Variants in ASCC2 observed in about 807,000 individuals in gnomAD.
ASCC2 encodes the protein ASC-1 complex subunit P100.
Under a neutral mutation model 93.5 loss-of-function variants are expected in ASCC2, and 42 were observed. That is an observed-to-expected ratio of 0.45 (90% CI 0.35 to 0.58). The LOEUF is 0.58. Ranked by LOEUF, ASCC2 falls within the 20% of genes least tolerant of loss-of-function variation. ASCC2 has a pLI of 0.00. For synonymous variants in ASCC2, 364 were observed against 384.2 expected, an observed-to-expected ratio of 0.95 and a Z score of 0.62; for missense variants, 859 against 977.6, an observed-to-expected ratio of 0.88 and a Z score of 1.62.
chr22:29,796,701 T>A (rs1011840185), intron 15 of ASCC2, among the ~76,000 whole-genome samples: 1 of 151,522 alleles, frequency 6.6e-6, no homozygotes, highest in African/African-American at 2.4e-5. Context: ...GAAAAAGAGG[T>A]AGAGAGGAAG....
chr22:29,821,181 A>G (rs996847897), intron 5 of ASCC2, among the ~76,000 whole-genome samples: 4 of 152,150 alleles, frequency 2.6e-5, no homozygotes, highest in Non-Finnish European at 5.9e-5. Context: ...GTGTGTGCGT[A>G]TAAAGAGGAA....
At chr22:29,807,790 T>C (rs1306072111) in intron 9 of ASCC2, among the ~76,000 whole-genome samples, 1 of 152,000 alleles carries the variant, frequency 6.6e-6, no homozygotes, top group Non-Finnish European at 1.5e-5. Context: ...ACGCCTATAA[T>C]CCCAGCTACT....
intron 5 of ASCC2, among the ~76,000 whole-genome samples, chr22:29,818,402 C>G: frequency 1.6e-5 from 1 of 63,248 alleles, no homozygotes; most frequent in African/African-American, 5.7e-5. Flanking sequence ...CACTCCCTGC[C>G]TACACACACA....
intron 5 of ASCC2, 100 bp downstream of exon 5, chr22:29,822,235 C>A: frequency 6.6e-7 from 1 of 1,513,452 alleles, no homozygotes; most frequent in Non-Finnish European, 9.0e-7. Flanking sequence ...CCCTATCGCC[C>A]TGAGTCCCTG....
chr22:29,808,058 T>C, intron 9 of ASCC2, 53 bp downstream of exon 9: 11 of 1,585,718 alleles, frequency 6.9e-6, no homozygotes, highest in Non-Finnish European at 9.5e-6. Context: ...GGCAGGGCCC[T>C]GCTCGGGCCT....
intron 14 of ASCC2, among the ~76,000 whole-genome samples, chr22:29,801,313 A>C (rs537675281): frequency 2.6e-5 from 4 of 152,348 alleles, no homozygotes; most frequent in South Asian, 4.1e-4. Flanking sequence ...CCACACCTCA[A>C]ACAAAGCTCC....
chr22:29,821,568 G>A (rs1053230546), intron 5 of ASCC2, among the ~76,000 whole-genome samples: 5 of 152,250 alleles, frequency 3.3e-5, no homozygotes, highest in Middle Eastern at 3.2e-3. Flanking sequence ...CATATGTGGA[G>A]TGCTTGGCAG....
At chr22:29,820,768 C>A (rs977735672) in intron 5 of ASCC2, among the ~76,000 whole-genome samples, 1 of 151,774 alleles carries the variant, frequency 6.6e-6, no homozygotes. Flanking sequence ...AACCCCATCT[C>A]TACTAAAAAT....
Position 29,792,419 on chromosome 22 carries a change from T to G in ASCC2, c.2022+14A>C, listed in dbSNP as rs1212950701. On this transcript the variant is annotated intron_variant, in intron 18 of 19. Transcript: ENST00000307790. ...TGCACTCTCCCCTTCATCTGCTACC[T>G]GCCAGGGAGGTACCTTGGGAGCCTC... is the stretch of plus-strand genomic sequence containing the variant. 1 of 1,613,524 alleles carries G rather than the reference T, an allele frequency of 6.2e-7. No homozygotes were observed. Among genetic ancestry groups the G allele is most frequent in the South Asian group, 1.1e-5 (1 of 91,086 alleles).
chr22:29,818,035 T>TA (rs985002952), intron 5 of ASCC2, among the ~76,000 whole-genome samples: 21 of 135,334 alleles, frequency 1.6e-4, no homozygotes, highest in Non-Finnish European at 2.1e-4. Context: ...CCTTGAAAGT[T>TA]AAAAAAAAAA....
chr22:29,799,787 T>G (rs1569371604), intron 15 of ASCC2, among the ~76,000 whole-genome samples: 1 of 152,116 alleles, frequency 6.6e-6, no homozygotes, highest in Non-Finnish European at 1.5e-5. Context: ...CTGGGTGAAC[T>G]CTCTTATTTT....
At chr22:29,830,621 C>T (rs1166555154) in intron 2 of ASCC2, among the ~76,000 whole-genome samples, 1 of 152,208 alleles carries the variant, frequency 6.6e-6, no homozygotes, top group Non-Finnish European at 1.5e-5. Context: ...GATCGGCGGC[C>T]CCGGCTCTGC....
intron 5 of ASCC2, among the ~76,000 whole-genome samples, chr22:29,818,120 C>T (rs2061083451): frequency 6.8e-6 from 1 of 147,226 alleles, no homozygotes. Context: ...AAAAAAAAAG[C>T]AAGGTAAGGA....
At chr22:29,837,462 C>T (rs1418907476) in intron 1 of ASCC2, among the ~76,000 whole-genome samples, 1 of 152,026 alleles carries the variant, frequency 6.6e-6, no homozygotes, top group African/African-American at 2.4e-5. Flanking sequence ...ACTGGACAAT[C>T]TGAACTTTGA....
chr22:29,806,491 T>A lies in ASCC2; in HGVS notation c.1079A>T (p.Glu360Val), dbSNP rs1181589825. Residue 360 changes from glutamate (E) to valine (V), a missense_variant, in exon 11 of 20, where the codon GAG (glutamate) becomes GTG (valine). Coordinates refer to ENST00000307790, the MANE Select transcript of ASCC2 (RefSeq NM_032204.5). ...FLQIFSSLLQ[E>V]KRFLRDYDAL... ...CCAGCTCAGCCACACTCACCTCTTCTCCTGCAGCAAGGAGCTGAAGATCTG... is the reference window on the plus strand; with the variant it reads ...CCAGCTCAGCCACACTCACCTCTTCACCTGCAGCAAGGAGCTGAAGATCTG... 1 of 1,613,898 alleles carries A rather than the reference T, an allele frequency of 6.2e-7. No homozygotes were observed. The highest frequency in any genetic ancestry group is 1.7e-5 in the Admixed American group (1 of 59,978).
chr22:29,799,273 C>T (rs575540150), intron 15 of ASCC2: 8 of 152,408 alleles, frequency 5.2e-5, no homozygotes, highest in Non-Finnish European at 7.3e-5. Flanking sequence ...CCTTGCCCAC[C>T]GCTGGAGCTA....
At chr22:29,828,768 CAG>C (rs904345932) in intron 2 of ASCC2, among the ~76,000 whole-genome samples, 9 of 152,134 alleles carry the variant, frequency 5.9e-5, no homozygotes, top group Admixed American at 5.2e-4. Flanking sequence ...GCATGGATTG[CAG>C]AGAGGCACAA....
rs191522974 is a variant in ASCC2 at position 29,795,164 on chromosome 22, T to C, written c.1689-1488A>G. Among the ~76,000 whole-genome samples, 436 of 152,106 alleles carry C rather than the reference T, an allele frequency of 2.9e-3. 3 individuals carry two copies. The highest frequency in any genetic ancestry group is 0.01 in the Middle Eastern group (3 of 294). On this transcript the variant is annotated intron_variant, in intron 15 of 19. Coordinates refer to ENST00000307790, the MANE Select transcript of ASCC2 (RefSeq NM_032204.5). The stretch of plus-strand genomic sequence containing the variant: ...CTGGTCTGGAACTCCTGGTCTCAAG[T>C]GATCTGCTTGCCTCAACCTCCCAAA...
rs767831875 is a variant in ASCC2 at position 29,789,002 on chromosome 22, T to C, written c.*11A>G. On this transcript the variant is annotated 3_prime_UTR_variant, in exon 20 of 20. Transcript: ENST00000307790. ...GGTGCCGCTGCCTCCCCACTGGCCC[T>C]GCACCAGGTCTCAGGATGGGATCAT... 4 of 1,614,124 alleles carry C rather than the reference T, an allele frequency of 2.5e-6. No homozygotes were observed. The highest frequency in any genetic ancestry group is 2.2e-5 in the East Asian group (1 of 44,880).
Sources: gnomAD v4.1 joint callset for allele counts (sites outside exome capture counted in the v4.1 genomes callset) on GRCh38, gnomAD v4.1.1 for gene constraint, MANE v1.5 for transcripts, NCBI Gene and HGNC (gene_info 2026-07-23, HGNC 2026-07-21) for gene names.